The following RALGAPA2 variants were observed in gnomAD, a reference collection of about 807,000 sequenced individuals.
RALGAPA2 encodes ral GTPase-activating protein subunit alpha-2.
A neutral mutation model predicts 230.4 loss-of-function variants in RALGAPA2; 139 were observed. The observed-to-expected ratio is 0.60, with a 90% CI of 0.53 to 0.69. The LOEUF (loss-of-function observed/expected upper bound fraction) is 0.69. Ranked by LOEUF, RALGAPA2 falls within the 30% of genes least tolerant of loss-of-function variation. The pLI is 0.00. For synonymous variants in RALGAPA2, 847 were observed against 837.8 expected (o/e 1.01, Z -0.19); for missense variants, 2,163 against 2,276.0 (o/e 0.95, Z 1.01).
At chr20:20,473,044 C>G in intron 36 of RALGAPA2, 88 bp from the exon 37 acceptor site, 1 of 1,377,876 alleles carries the variant, frequency 7.3e-7, no homozygotes, top group Non-Finnish European at 9.9e-7. Context: ...GTCAGACCTG[C>G]AATGAGCACT....
intron 1 of RALGAPA2, among the ~76,000 whole-genome samples, chr20:20,684,425 C>A (rs986751926): frequency 6.6e-6 from 1 of 152,202 alleles, no homozygotes; most frequent in Non-Finnish European, 1.5e-5. Context: ...GGGTCCTCAG[C>A]ATGTTTAAGG....
chr20:20,635,141 T>A (rs2066813997), intron 9 of RALGAPA2, among the ~76,000 whole-genome samples: 1 of 152,138 alleles, frequency 6.6e-6, no homozygotes, highest in African/African-American at 2.4e-5. Flanking sequence ...GTGAGGAGAA[T>A]GAGGAGGAGC....
intron 14 of RALGAPA2, among the ~76,000 whole-genome samples, chr20:20,610,879 T>G: frequency 6.6e-6 from 1 of 152,152 alleles, no homozygotes; most frequent in Admixed American, 6.5e-5. Flanking sequence ...TCCTCCTCAC[T>G]CACTGGCCAC....
intron 24 of RALGAPA2, among the ~76,000 whole-genome samples, chr20:20,540,692 T>C (rs1331447221): frequency 1.3e-5 from 2 of 152,180 alleles, no homozygotes; most frequent in Non-Finnish European, 2.9e-5. Flanking sequence ...GAATTTGACC[T>C]TTACATTTAC....
chr20:20,706,701 TGA>T (rs2069622665), intron 1 of RALGAPA2, among the ~76,000 whole-genome samples: 1 of 152,228 alleles, frequency 6.6e-6, no homozygotes, highest in Non-Finnish European at 1.5e-5. Context: ...AAAACTGTTG[TGA>T]TTTTGTTTCT....
chr20:20,622,554 A>T (rs181744661), intron 10 of RALGAPA2, among the ~76,000 whole-genome samples: 2 of 152,346 alleles, frequency 1.3e-5, no homozygotes, highest in Admixed American at 1.3e-4. Flanking sequence ...AATGCAACAA[A>T]AGATTCATGT....
At chr20:20,401,539 G>A (rs530639882) in intron 38 of RALGAPA2, among the ~76,000 whole-genome samples, 25 of 152,184 alleles carry the variant, frequency 1.6e-4, no homozygotes, top group South Asian at 1.0e-3. Context: ...AGGAGTGACC[G>A]GGGCAGTGAG....
intron 36 of RALGAPA2, among the ~76,000 whole-genome samples, chr20:20,482,313 G>A (rs542687344): frequency 7.2e-5 from 11 of 152,280 alleles, no homozygotes; most frequent in African/African-American, 2.6e-4. Context: ...GTAAAACAAT[G>A]TATTCAAGAA....
rs751868736 is a variant in RALGAPA2, at chr20:20,639,822, A to C, written c.629T>G (p.Phe210Cys). 1 of 1,613,488 alleles carries C rather than the reference A, an allele frequency of 6.2e-7. No homozygotes were observed. Among genetic ancestry groups the C allele is most frequent in the Non-Finnish European group, 8.5e-7 (1 of 1,179,440 alleles). The change falls in exon 7 of 40, where the codon TTT (phenylalanine) becomes TGT (cysteine). Residue 210 changes from phenylalanine (F) to cysteine (C), a missense_variant. Phe to Cys is a radical substitution (Grantham distance 205, BLOSUM62 -2). Coordinates refer to ENST00000202677, the MANE Select transcript of RALGAPA2 (RefSeq NM_020343.4). Reference sequence around the variant, plus strand: ...ATACTTCAACAGTATTTGAAGAAAAAAGCAGGTTTGGTCCTCAGCAATCTT... The same window carrying C: ...ATACTTCAACAGTATTTGAAGAAAACAGCAGGTTTGGTCCTCAGCAATCTT... ...GEKIAEDQTC[F>C]FLQILLKYMV...
intron 35 of RALGAPA2, among the ~76,000 whole-genome samples, chr20:20,496,322 T>C (rs1274623951): frequency 6.6e-6 from 1 of 152,124 alleles, no homozygotes; most frequent in East Asian, 1.9e-4. Context: ...TCCTGCACGA[T>C]GACCGTACCA....
chr20:20,462,390 T>C (rs2123292867), intron 37 of RALGAPA2, among the ~76,000 whole-genome samples: 1 of 152,246 alleles, frequency 6.6e-6, no homozygotes, highest in Middle Eastern at 3.4e-3. Context: ...CTGGACTCCC[T>C]AGGGCTGGCA....
In RALGAPA2 at chr20:20,526,376, C is replaced by G. The variant is rs777544861; in HGVS notation, c.3583-14G>C. ...TTTGTTGGGAAACTATAAAAGGAAA[C>G]CGAATCCCAAAGCAGACACATAACT... is the stretch of plus-strand genomic sequence containing the variant. On this transcript the variant is annotated splice_polypyrimidine_tract_variant and intron_variant, in intron 27 of 39. Coordinates refer to ENST00000202677, the MANE Select transcript of RALGAPA2 (RefSeq NM_020343.4). 2 of 1,525,868 alleles carry G rather than the reference C, an allele frequency of 1.3e-6. No individual in the cohort carries two copies. The highest frequency in any genetic ancestry group is 1.4e-5 in the African/African-American group (1 of 71,508). The allele number at this position is 1,525,868 out of a possible 1,614,324, so 94.5% of individuals were successfully genotyped here. A position where few individuals can be genotyped will look rare whatever the true frequency, so the allele number is the denominator to read the frequency against.
intron 17 of RALGAPA2, among the ~76,000 whole-genome samples, chr20:20,590,682 T>C (rs1358994177): frequency 6.6e-6 from 1 of 152,222 alleles, no homozygotes; most frequent in Non-Finnish European, 1.5e-5. Context: ...ATTAATGCTA[T>C]TAAAAGTTAT....
chr20:20,683,072 T>C (rs543810471), intron 1 of RALGAPA2, among the ~76,000 whole-genome samples: 1 of 152,226 alleles, frequency 6.6e-6, no homozygotes, highest in Admixed American at 6.5e-5. Flanking sequence ...TCCCAGTAAG[T>C]TGGAACCTCC....
At chr20:20,643,848 T>C (rs1171365628) in intron 4 of RALGAPA2, among the ~76,000 whole-genome samples, 2 of 152,204 alleles carry the variant, frequency 1.3e-5, no homozygotes. Context: ...TGGATGCTTT[T>C]TTTTTTAATC....
chr20:20,394,211 A>G (rs1384971178), intron 39 of RALGAPA2, among the ~76,000 whole-genome samples: 1 of 152,078 alleles, frequency 6.6e-6, no homozygotes, highest in Non-Finnish European at 1.5e-5. Context: ...TATTGTTTCT[A>G]GGAGGAGTTT....
chr20:20,548,478 G>A (rs1314460703), intron 23 of RALGAPA2, among the ~76,000 whole-genome samples: 1 of 151,838 alleles, frequency 6.6e-6, no homozygotes, highest in African/African-American at 2.4e-5. Context: ...AGTTTAGCAA[G>A]TACTAATTTA....
chr20:20,542,241 T>A (rs546209495), intron 24 of RALGAPA2, among the ~76,000 whole-genome samples: 1 of 152,292 alleles, frequency 6.6e-6, no homozygotes, highest in South Asian at 2.1e-4. Flanking sequence ...TACAAACCAC[T>A]GCTCAAGGAA....
intron 37 of RALGAPA2, among the ~76,000 whole-genome samples, chr20:20,444,885 G>C (rs2060825049): frequency 6.6e-6 from 1 of 152,222 alleles, no homozygotes; most frequent in Non-Finnish European, 1.5e-5. Flanking sequence ...ACTGCACACT[G>C]TCTGTCCTTT....
Sources: allele counts gnomAD v4.1 joint callset (sites outside exome capture counted in the v4.1 genomes callset), GRCh38; gene constraint gnomAD v4.1.1; transcripts MANE v1.5; gene names NCBI Gene and HGNC (gene_info 2026-07-23, HGNC 2026-07-21).